GNA14: variants seen among roughly 807,000 people sequenced by gnomAD.
GNA14 encodes the protein G protein subunit alpha 14.
In GNA14, 50 loss-of-function variants were observed where a neutral mutation model predicts 42.0. The ratio of observed to expected loss-of-function variants is 1.19; its 90% confidence interval spans 0.95 to 1.51. GNA14 has a LOEUF of 1.51. Ranked by LOEUF, GNA14 falls within the 40% of genes most tolerant of loss-of-function variation. The pLI, the probability that GNA14 is intolerant of heterozygous loss-of-function variation, is 0.00. For synonymous variants in GNA14, 173 were observed against 163.1 expected (o/e 1.06, Z -0.46); for missense variants, 473 against 446.2 (o/e 1.06, Z -0.54).
intron 2 of GNA14, among the ~76,000 whole-genome samples, chr9:77,517,698 C>A (rs963291501): frequency 7.0e-6 from 1 of 143,406 alleles, no homozygotes; most frequent in East Asian, 2.2e-4. Context: ...CCTCGACATC[C>A]CCAGGCTCAG....
At chr9:77,538,854 GA>G (rs1483046984) in intron 1 of GNA14, among the ~76,000 whole-genome samples, 6 of 152,112 alleles carry the variant, frequency 3.9e-5, no homozygotes, top group African/African-American at 1.4e-4. Context: ...TCCTAGGTAT[GA>G]AATCATATCT....
At chr9:77,514,099 A>C (rs1311894655) in intron 2 of GNA14, among the ~76,000 whole-genome samples, 1 of 152,134 alleles carries the variant, frequency 6.6e-6, no homozygotes, top group African/African-American at 2.4e-5. Flanking sequence ...GGCCAATCCC[A>C]AGCTTCCCAA....
chr9:77,605,128 G>A (rs916706791), intron 1 of GNA14, among the ~76,000 whole-genome samples: 9 of 152,114 alleles, frequency 5.9e-5, no homozygotes, highest in African/African-American at 9.7e-5. Context: ...GAACTTTTTC[G>A]TTAAAAGATT....
chr9:77,584,903 G>A (rs1054885932), intron 1 of GNA14, among the ~76,000 whole-genome samples: 4 of 152,066 alleles, frequency 2.6e-5, no homozygotes, highest in South Asian at 2.1e-4. Context: ...TCATGGAGCC[G>A]GTGGGAGTGT....
intron 1 of GNA14, chr9:77,580,467 G>T: frequency 2.7e-6 from 1 of 364,862 alleles, no homozygotes; most frequent in South Asian, 2.9e-5. Flanking sequence ...AGGACAATTA[G>T]CCCACACCAG....
chr9:77,532,202 C>G lies in GNA14; in HGVS notation c.125-2949G>C, dbSNP rs536586674. On this transcript the variant is annotated intron_variant, in intron 1 of 6. Transcript: ENST00000341700. ...GTCACTCAGTTTGGAAGTGTCGTGG[C>G]CTGGGTCCAAATGCAGGTTTATGTT... 1.8e-4 allele frequency among the ~76,000 whole-genome samples: 28 copies of G among 152,220 alleles called. No individual in the cohort carries two copies. In the South Asian group the frequency reaches 5.8e-3, roughly 32 times the overall value.
chr9:77,597,264 T>G (rs934957340), intron 1 of GNA14, among the ~76,000 whole-genome samples: 1 of 152,192 alleles, frequency 6.6e-6, no homozygotes, highest in Non-Finnish European at 1.5e-5. Context: ...AGAACTGCTC[T>G]GACAAACCAA....
At chr9:77,549,082 G>A (rs189481714) in intron 1 of GNA14, among the ~76,000 whole-genome samples, 12 of 152,154 alleles carry the variant, frequency 7.9e-5, no homozygotes, top group African/African-American at 2.4e-4. Flanking sequence ...TTACAGGCAC[G>A]TGCCACCACA....
At chr9:77,433,958 T>C (rs761080635) in intron 3 of GNA14, among the ~76,000 whole-genome samples, 12 of 152,134 alleles carry the variant, frequency 7.9e-5, no homozygotes, top group Non-Finnish European at 1.8e-4. Context: ...TGCTGTCTTC[T>C]GATGGGGAAA....
At chr9:77,600,142 G>A (rs1464269400) in intron 1 of GNA14, among the ~76,000 whole-genome samples, 1 of 152,260 alleles carries the variant, frequency 6.6e-6, no homozygotes, top group South Asian at 2.1e-4. Flanking sequence ...GTCCTTGTTT[G>A]AGGGCCTTTT....
chr9:77,489,202 C>T (rs1836712825), intron 2 of GNA14, among the ~76,000 whole-genome samples: 1 of 151,716 alleles, frequency 6.6e-6, no homozygotes, highest in South Asian at 2.1e-4. Context: ...AGCCCAAAGA[C>T]AGGCGGTGTG....
chr9:77,597,437 C>G (rs919261519), intron 1 of GNA14, among the ~76,000 whole-genome samples: 1 of 152,096 alleles, frequency 6.6e-6, no homozygotes, highest in African/African-American at 2.4e-5. Context: ...AAAGACAAAA[C>G]TGAGTTTTGA....
intron 2 of GNA14, among the ~76,000 whole-genome samples, chr9:77,450,505 T>C (rs1421968154): frequency 6.6e-6 from 1 of 152,142 alleles, no homozygotes; most frequent in African/African-American, 2.4e-5. Context: ...TAAAAGCTAC[T>C]TGTCACCTCC....
intron 1 of GNA14, among the ~76,000 whole-genome samples, chr9:77,644,898 TCAGAAC>T (rs1824330404): frequency 6.6e-6 from 1 of 152,242 alleles, no homozygotes; most frequent in Non-Finnish European, 1.5e-5. Flanking sequence ...AATGTTCTTA[TCAGAAC>T]TTTTTTGTCC....
At chr9:77,519,015 T>C in intron 2 of GNA14, among the ~76,000 whole-genome samples, 1 of 152,208 alleles carries the variant, frequency 6.6e-6, no homozygotes, top group East Asian at 1.9e-4. Context: ...CAAAGCTCCC[T>C]GAAAACATTG....
Position 77,548,341 on chromosome 9 carries a change from T to C in GNA14, c.125-19088A>G, listed in dbSNP as rs538468320. Among the ~76,000 whole-genome samples, 4 of 152,302 alleles carry C rather than the reference T, an allele frequency of 2.6e-5. No individual in the cohort carries two copies. In the East Asian group the frequency reaches 5.8e-4, roughly 22 times the overall value. ...TTAAAGACACCAGCCACAATTAATTTGGGGCCCACTCAAATCCACTATGAG... is the reference window on the plus strand; with the variant it reads ...TTAAAGACACCAGCCACAATTAATTCGGGGCCCACTCAAATCCACTATGAG... On this transcript the variant is annotated intron_variant, in intron 1 of 6. Transcript: ENST00000341700.
intron 2 of GNA14, among the ~76,000 whole-genome samples, chr9:77,526,974 T>C (rs1298047895): frequency 6.6e-6 from 1 of 152,196 alleles, no homozygotes; most frequent in African/African-American, 2.4e-5. Context: ...CTAGAAGCTT[T>C]GATAACTAAG....
At chr9:77,566,395 T>C (rs1451620506) in intron 1 of GNA14, among the ~76,000 whole-genome samples, 4 of 152,054 alleles carry the variant, frequency 2.6e-5, no homozygotes, top group Non-Finnish European at 4.4e-5. Context: ...CCTCAAGTGA[T>C]CTGCCCGCCT....
At chr9:77,452,590 G>GTA (rs1835925639) in intron 2 of GNA14, among the ~76,000 whole-genome samples, 1 of 132,562 alleles carries the variant, frequency 7.5e-6, no homozygotes, top group Non-Finnish European at 1.6e-5. Context: ...GTGTATGTGT[G>GTA]TGTGTGGTGT....
Sources: gnomAD v4.1 joint callset for allele counts (sites outside exome capture counted in the v4.1 genomes callset) on GRCh38, gnomAD v4.1.1 for gene constraint, MANE v1.5 for transcripts, NCBI Gene and HGNC (gene_info 2026-07-23, HGNC 2026-07-21) for gene names.